FRMPD1: variants seen among roughly 807,000 people sequenced by gnomAD.
FRMPD1 encodes the protein FERM and PDZ domain-containing protein 1.
Under a neutral mutation model 117.8 loss-of-function variants are expected in FRMPD1, and 76 were observed. The ratio of observed to expected loss-of-function variants is 0.65; its 90% CI spans 0.54 to 0.78. FRMPD1 has a LOEUF of 0.78. Ranked by LOEUF, FRMPD1 falls within the 30% of genes least tolerant of loss-of-function variation. The pLI is 0.00. For synonymous variants in FRMPD1, 783 were observed against 770.4 expected (o/e 1.02, Z -0.27); for missense variants, 1,786 against 1,964.5 (o/e 0.91, Z 1.72).
the FRMPD1 span, among the ~76,000 whole-genome samples, chr9:37,638,056 T>G: frequency 2.2e-5 from 3 of 139,264 alleles, no homozygotes; most frequent in Non-Finnish European, 1.6e-5. Flanking sequence ...CTTTCCTTTC[T>G]TTCTTTCCTT....
chr9:37,691,464 A>G (rs1822136734), intron 1 of FRMPD1, among the ~76,000 whole-genome samples: 1 of 152,260 alleles, frequency 6.6e-6, no homozygotes, highest in Non-Finnish European at 1.5e-5. Context: ...ATATCGTACC[A>G]ATGTTAATTT....
upstream of FRMPD1, among the ~76,000 whole-genome samples, chr9:37,648,446 G>T (rs748066546): frequency 2.0e-5 from 3 of 152,194 alleles, no homozygotes; most frequent in Non-Finnish European, 2.9e-5. Context: ...AGGAACAATG[G>T]AGGTGTCTTC....
chr9:37,666,196 AT>A (rs1821155022), intron 1 of FRMPD1, among the ~76,000 whole-genome samples: 1 of 152,118 alleles, frequency 6.6e-6, no homozygotes, highest in Admixed American at 6.5e-5. Flanking sequence ...AAATGGGGGC[AT>A]TTTTTGGGTG....
At position 37,656,776 on chromosome 9, in the gene FRMPD1, A is replaced by G. The variant is rs1318692962; in HGVS notation, c.-5+5682A>G. On this transcript the variant is annotated intron_variant, in intron 1 of 15. Transcript: ENST00000377765. ...CTTGGCAGATTGATATGAGGGCAGA[A>G]GCCATTATTTTCATTAAGTGACACA... 2.6e-5 allele frequency among the ~76,000 whole-genome samples: 4 copies of G among 152,152 alleles called. No homozygotes were observed. In the East Asian group the frequency reaches 7.7e-4, roughly 29 times the overall value.
the FRMPD1 span, among the ~76,000 whole-genome samples, chr9:37,604,074 A>G: frequency 2.0e-5 from 3 of 152,228 alleles, no homozygotes; most frequent in African/African-American, 7.2e-5. Flanking sequence ...TGGCTGGGGC[A>G]GGCATGGCAG....
At chr9:37,735,483 T>C (rs1824075706) in intron 12 of FRMPD1, 69 bp from the exon 13 acceptor site, 2 of 1,183,144 alleles carry the variant, frequency 1.7e-6, no homozygotes, top group East Asian at 2.3e-5. Context: ...AGAGGTATTA[T>C]TGCTTACATG....
intron 2 of FRMPD1, 50 bp downstream of exon 2, chr9:37,692,792 G>C (rs770330818): frequency 2.1e-5 from 27 of 1,306,892 alleles, no homozygotes; most frequent in Middle Eastern, 1.8e-4. Context: ...CTGGTGTCCC[G>C]GGGGAGGAGC....
At chr9:37,611,449 A>G in the FRMPD1 span, among the ~76,000 whole-genome samples, 1 of 152,320 alleles carries the variant, frequency 6.6e-6, no homozygotes, top group Non-Finnish European at 1.5e-5. Flanking sequence ...TAAAGAAGGG[A>G]TTTCTTCAAA....
chr9:37,687,440 C>T (rs1407336339), intron 1 of FRMPD1, among the ~76,000 whole-genome samples: 3 of 152,184 alleles, frequency 2.0e-5, no homozygotes, highest in Non-Finnish European at 1.5e-5. Flanking sequence ...AAGCGTGATG[C>T]TCAGACATAA....
chr9:37,605,215 C>G, the FRMPD1 span, among the ~76,000 whole-genome samples: 5 of 152,188 alleles, frequency 3.3e-5, no homozygotes, highest in Non-Finnish European at 7.3e-5. Flanking sequence ...CTGAATGGAA[C>G]CCAGCAGACT....
intron 1 of FRMPD1, among the ~76,000 whole-genome samples, chr9:37,685,396 C>T (rs1252757367): frequency 6.6e-6 from 1 of 152,046 alleles, no homozygotes; most frequent in Non-Finnish European, 1.5e-5. Flanking sequence ...GTAATCCCAG[C>T]ACTTTGGGAG....
intron 14 of FRMPD1, among the ~76,000 whole-genome samples, chr9:37,738,983 G>GT (rs1365468326): frequency 6.6e-6 from 1 of 152,126 alleles, no homozygotes; most frequent in Non-Finnish European, 1.5e-5. Context: ...CCTGAGGAGG[G>GT]GCTGGACCAT....
intron 3 of FRMPD1, 152 bp downstream of exon 3, chr9:37,707,725 CCTTA>C (rs1322748249): frequency 1.5e-6 from 1 of 660,734 alleles, no homozygotes; most frequent in East Asian, 2.8e-5. Flanking sequence ...GGGCTTTGCA[CCTTA>C]CTTTGATGCT....
At chr9:37,660,653 C>T (rs1046156328) in intron 1 of FRMPD1, among the ~76,000 whole-genome samples, 17 of 152,202 alleles carry the variant, frequency 1.1e-4, no homozygotes, top group African/African-American at 4.1e-4. Context: ...CAAAATATCC[C>T]CACATCAAAA....
chr9:37,714,578 TTA>T (rs1563944881), intron 5 of FRMPD1, among the ~76,000 whole-genome samples: 1 of 41,780 alleles, frequency 2.4e-5, no homozygotes, highest in African/African-American at 5.5e-5. Context: ...CCGAAGAAGT[TTA>T]TTTTATTTTA....
At chr9:37,667,448 G>A (rs1256968325) in intron 1 of FRMPD1, among the ~76,000 whole-genome samples, 1 of 150,654 alleles carries the variant, frequency 6.6e-6, no homozygotes, top group Admixed American at 6.6e-5. Flanking sequence ...TGAGGCGGGC[G>A]GGTTGCTTGA....
the FRMPD1 span, among the ~76,000 whole-genome samples, chr9:37,612,021 C>G: frequency 2.6e-5 from 4 of 152,160 alleles, no homozygotes; most frequent in Admixed American, 2.6e-4. Flanking sequence ...GTTCTTTCCT[C>G]CACTCAGGTC....
chr9:37,655,496 CTTTTTTTTTTTTT>C (rs10615941), intron 1 of FRMPD1, among the ~76,000 whole-genome samples: 1 of 88,566 alleles, frequency 1.1e-5, no homozygotes, highest in Non-Finnish European at 2.1e-5. Flanking sequence ...TGTCCCCACT[CTTTTTTTTTTTTT>C]TTTTTTTTTT....
In FRMPD1 at chr9:37,740,877, C is replaced by G; in HGVS notation, c.2349C>G (p.Pro783=). The G allele has an allele frequency of 6.2e-7, 1 of 1,613,364 alleles. No homozygotes were observed. Among genetic ancestry groups the G allele is most frequent in the Non-Finnish European group, 8.5e-7 (1 of 1,179,264 alleles). The change falls in exon 15 of 16, where the codon CCC becomes CCG. Residue 783 remains proline (P), a synonymous_variant. Coordinates refer to ENST00000377765, the MANE Select transcript of FRMPD1 (RefSeq NM_014907.3). This position sits in a 1 kb window ranked among gnomAD's most constrained non-coding sequence, Gnocchi z 4.2. The part of the protein sequence containing the change: ...DAADKLTPPG[P]PSGPRDVSTA... ...CTGATAAGCTCACTCCCCCAGGCCC[C>G]CCGTCAGGTGAGCCGTCCCTTGCAG...
Sources: allele counts gnomAD v4.1 joint callset (sites outside exome capture counted in the v4.1 genomes callset), GRCh38; gene constraint gnomAD v4.1.1; non-coding constraint Gnocchi (gnomAD v3.1); transcripts MANE v1.5; gene names NCBI Gene and HGNC (gene_info 2026-07-23, HGNC 2026-07-21).